C20orf141: variants seen among roughly 807,000 people sequenced by gnomAD.
C20orf141 encodes uncharacterized protein C20orf141.
A neutral mutation model predicts 7.8 loss-of-function variants in C20orf141; 8 were observed. The ratio of observed to expected loss-of-function variants is 1.03; its 90% CI spans 0.60 to 1.85. C20orf141 has a LOEUF of 1.85. C20orf141 is among the 40% of genes most tolerant of loss of function. C20orf141 has a pLI of 0.00. For synonymous variants in C20orf141, 101 were observed against 90.8 expected, an observed-to-expected ratio of 1.11 and a Z score of -0.64; for missense variants, 220 against 203.1, an observed-to-expected ratio of 1.08 and a Z score of -0.51.
In C20orf141 at chr20:2,815,633, T is replaced by A; in HGVS notation, c.356T>A (p.Leu119Gln). Residue 119 changes from leucine to glutamine, a missense_variant, in exon 3 of 3, where the codon CTG becomes CAG. Physicochemically the swap from Leu to Gln is moderately radical, Grantham distance 113. Transcript: ENST00000603872. ...EGPGQQEALLLQMGTVSGQLS... is the reference protein window; with the variant it reads ...EGPGQQEALLQQMGTVSGQLS... Reference sequence around the variant, plus strand: ...CCTGGACAGCAGGAGGCTCTACTCCTGCAAATGGGTACAGTCTCAGGACAA... The same window carrying A: ...CCTGGACAGCAGGAGGCTCTACTCCAGCAAATGGGTACAGTCTCAGGACAA... 1 of 1,614,084 alleles carries A rather than the reference T, an allele frequency of 6.2e-7. No homozygotes were observed. The highest frequency in any genetic ancestry group is 8.5e-7 in the Non-Finnish European group (1 of 1,180,014).
At position 2,815,688 on chromosome 20, in the gene C20orf141, G is replaced by A. The variant is rs778401631; in HGVS notation, c.411G>A (p.Leu137=). 10 of 1,614,020 alleles carry A rather than the reference G, an allele frequency of 6.2e-6. No homozygotes were observed. The South Asian group carries it at 9.9e-5, about 16-fold the overall frequency. The part of the protein sequence containing the change: ...QLSLQDALLL[L]LMGLGPLLRA... ...GCCTCCAGGACGCACTGCTGCTGCT[G>A]CTCATGGGGCTGGGCCCGCTCCTGA... Residue 137 remains leucine, a synonymous_variant, in exon 3 of 3, where the codon CTG becomes CTA. Coordinates refer to ENST00000603872, the MANE Select transcript of C20orf141 (RefSeq NM_001256538.2).
intron 1 of C20orf141, 46 bp downstream of exon 1, chr20:2,815,063 C>A: frequency 7.9e-7 from 1 of 1,264,722 alleles, no homozygotes; most frequent in South Asian, 1.4e-5. Flanking sequence ...GGAGACTCTG[C>A]AGGAGCCTAA....
Position 2,815,363 on chromosome 20 carries a change from C to T in C20orf141, c.179C>T (p.Thr60Ile). The T allele has an allele frequency of 1.3e-6, 2 of 1,590,004 alleles. No homozygotes were observed. Among genetic ancestry groups the T allele is most frequent in the East Asian group, 2.2e-5 (1 of 44,536 alleles). ...SVLWLGALGL[T>I]IQAVFSTTGP... ...CTATGGCTGGGGGCACTAGGACTGA[C>T]AATCCAGGCAGTCTTTTCCACCACT... Residue 60 changes from threonine to isoleucine, a missense_variant, in exon 2 of 3, where the codon ACA becomes ATA. Thr to Ile is a moderately conservative substitution (Grantham distance 89). Transcript: ENST00000603872.
intron 1 of C20orf141, 41 bp downstream of exon 1, chr20:2,815,058 C>T (rs2088650119): frequency 8.2e-7 from 1 of 1,220,474 alleles, no homozygotes; most frequent in Non-Finnish European, 1.2e-6. Flanking sequence ...GAGGGGGAGA[C>T]TCTGCAGGAG....
rs981443009 is a variant in C20orf141 at position 2,815,032 on chromosome 20, C to A, written c.-34+15C>A. ...AGTGGGAGGAGGTGAGGAGGGTTTG[C>A]TGGGTGGGTATGGGGGAGGGGGAGA... On this transcript the variant is annotated intron_variant, in intron 1 of 2. Coordinates refer to ENST00000603872, the MANE Select transcript of C20orf141 (RefSeq NM_001256538.2). The A allele has an allele frequency of 3.7e-5, 36 of 968,328 alleles. No individual in the cohort carries two copies. In the African/African-American group the frequency reaches 5.6e-4, roughly 15 times the overall value. The allele number at this position is 968,328 out of a possible 1,614,324, so 60.0% of individuals were successfully genotyped here.
Position 2,815,524 on chromosome 20 carries a change from C to A in C20orf141, c.261-14C>A. On this transcript the variant is annotated splice_polypyrimidine_tract_variant and intron_variant, in intron 2 of 2. Coordinates refer to ENST00000603872, the MANE Select transcript of C20orf141 (RefSeq NM_001256538.2). The stretch of plus-strand genomic sequence containing the variant: ...AACTTCCCTAAGCCCAGTCACCACC[C>A]TCTCTCTCCACAGGCCCGCAGGTCA... 6.3e-7 allele frequency: 1 copy of A among 1,599,390 alleles called. No individual in the cohort carries two copies. Among genetic ancestry groups the A allele is most frequent in the Non-Finnish European group, 8.5e-7 (1 of 1,171,108 alleles).
Position 2,815,357 on chromosome 20 carries a change from G to A in C20orf141, c.173G>A (p.Gly58Glu). 5 of 1,590,088 alleles carry A rather than the reference G, an allele frequency of 3.1e-6. No individual in the cohort carries two copies. Among genetic ancestry groups the A allele is most frequent in the East Asian group, 4.5e-5 (2 of 44,576 alleles). The change falls in exon 2 of 3, where the codon GGA (glycine) becomes GAA (glutamate). Residue 58 changes from glycine (G) to glutamate (E), a missense_variant. By Grantham distance (98) the Gly-to-Glu change is moderately conservative. Coordinates refer to ENST00000603872, the MANE Select transcript of C20orf141 (RefSeq NM_001256538.2). ...LDSVLWLGAL[G>E]LTIQAVFSTT... is the part of the protein sequence containing the mutation. ...AGTGTCCTATGGCTGGGGGCACTAGGACTGACAATCCAGGCAGTCTTTTCC... is the reference window on the plus strand; with the variant it reads ...AGTGTCCTATGGCTGGGGGCACTAGAACTGACAATCCAGGCAGTCTTTTCC...
In C20orf141 at chr20:2,815,830, A is replaced by T. The variant is rs1158154416; in HGVS notation, c.*55A>T. 3 of 1,439,602 alleles carry T rather than the reference A, an allele frequency of 2.1e-6. No homozygotes were observed. Among genetic ancestry groups the T allele is most frequent in the African/African-American group, 2.8e-5 (2 of 71,318 alleles). The allele number at this position is 1,439,602 out of a possible 1,614,324, so 89.2% of individuals were successfully genotyped here. ...AAATATACAATGACCACCCTTCTTC[A>T]TCAGGCCCCCTTTTCTCCTTCCTGG... On this transcript the variant is annotated 3_prime_UTR_variant, in exon 3 of 3. Transcript: ENST00000603872.
At position 2,815,326 on chromosome 20, in the gene C20orf141, C is replaced by T. The variant is rs147238709; in HGVS notation, c.142C>T (p.Leu48=). 562 of 1,607,392 alleles carry T rather than the reference C, an allele frequency of 3.5e-4. 6 individuals are homozygous for T. The African/African-American group carries it at 5.7e-3, about 16-fold the overall frequency. Residue 48 remains leucine, a synonymous_variant, in exon 2 of 3, where the codon CTG becomes TTG. Coordinates refer to ENST00000603872, the MANE Select transcript of C20orf141 (RefSeq NM_001256538.2). ...CTGGGGCCCTAGCTGGGCCCAGCTC[C>T]TGGACAGTGTCCTATGGCTGGGGGC... ...STWGPSWAQL[L]DSVLWLGALG... is the part of the protein sequence containing the mutation.
rs748066707 is a variant in C20orf141 at position 2,815,229 on chromosome 20, G to T, written c.45G>T (p.Pro15=). 6.2e-7 allele frequency: 1 copy of T among 1,614,048 alleles called. No homozygotes were observed. Among genetic ancestry groups the T allele is most frequent in the Admixed American group, 1.7e-5 (1 of 60,006 alleles). ...CLPRPEARED[P]IPVPPRGLGA... ...CCAGACCCGAAGCACGTGAGGATCCGATCCCAGTTCCTCCAAGGGGCCTGG... is the reference window on the plus strand; with the variant it reads ...CCAGACCCGAAGCACGTGAGGATCCTATCCCAGTTCCTCCAAGGGGCCTGG... The change falls in exon 2 of 3, where the codon CCG becomes CCT. Residue 15 remains proline, a synonymous_variant. Coordinates refer to ENST00000603872, the MANE Select transcript of C20orf141 (RefSeq NM_001256538.2).
Position 2,815,289 on chromosome 20 carries a change from A to G in C20orf141, c.105A>G (p.Pro35=), listed in dbSNP as rs762468233. 6 of 1,611,974 alleles carry G rather than the reference A, an allele frequency of 3.7e-6. No homozygotes were observed. In the South Asian group the frequency reaches 4.4e-5, roughly 12 times the overall value. ...AGGGGTCAGGTAGTCCAGTGCGTCC[A>G]CCTGTATCCACCTGGGGCCCTAGCT... is the stretch of plus-strand genomic sequence containing the variant. ...AGEGSGSPVR[P]PVSTWGPSWA... Residue 35 remains proline (P), a synonymous_variant, in exon 2 of 3, where the codon CCA becomes CCG. Transcript: ENST00000603872.
rs749292960 is a variant in C20orf141, at chr20:2,815,666, TC to T, written c.391del (p.Gln131ArgfsTer15). The T allele has an allele frequency of 4.3e-6, 7 of 1,613,932 alleles. No individual in the cohort carries two copies. The highest frequency in any genetic ancestry group is 5.9e-6 in the Non-Finnish European group (7 of 1,180,016). ...GGTACAGTCTCAGGACAACTTAGCC[TC>T]CAGGACGCACTGCTGCTGCTGCTCA... is the stretch of plus-strand genomic sequence containing the variant. ...QMGTVSGQLS[L>X]QDALLLLLMG... On this transcript the variant is annotated frameshift_variant, in exon 3 of 3. Coordinates refer to ENST00000603872, the MANE Select transcript of C20orf141 (RefSeq NM_001256538.2). LOFTEE classifies it high-confidence loss of function.
rs1372013154 is a variant in C20orf141, at chr20:2,815,646, A to G, written c.369A>G (p.Thr123=). 10 of 1,613,992 alleles carry G rather than the reference A, an allele frequency of 6.2e-6. No individual in the cohort carries two copies. The highest frequency in any genetic ancestry group is 1.7e-6 in the Non-Finnish European group (2 of 1,180,030). The change falls in exon 3 of 3, where the codon ACA becomes ACG. Residue 123 remains threonine (T), a synonymous_variant. Transcript: ENST00000603872. The part of the protein sequence containing the change: ...QQEALLLQMG[T]VSGQLSLQDA... The stretch of plus-strand genomic sequence containing the variant: ...AGGCTCTACTCCTGCAAATGGGTAC[A>G]GTCTCAGGACAACTTAGCCTCCAGG...
intron 1 of C20orf141, 50 bp downstream of exon 1, chr20:2,815,067 A>T: frequency 7.8e-7 from 1 of 1,281,996 alleles, no homozygotes. Context: ...ACTCTGCAGG[A>T]GCCTAATTCC....
rs150248715 is a variant in C20orf141 at position 2,815,524 on chromosome 20, C to G, written c.261-14C>G. 1,387 of 1,599,390 alleles carry G rather than the reference C, an allele frequency of 8.7e-4. 7 individuals are homozygous for G. The African/African-American group carries it at 0.01, about 12-fold the overall frequency. ...AACTTCCCTAAGCCCAGTCACCACC[C>G]TCTCTCTCCACAGGCCCGCAGGTCA... On this transcript the variant is annotated splice_polypyrimidine_tract_variant and intron_variant, in intron 2 of 2. Transcript: ENST00000603872.
Position 2,815,608 on chromosome 20 carries a change from C to T in C20orf141, c.331C>T (p.Pro111Ser), listed in dbSNP as rs146517929. Residue 111 changes from proline to serine, a missense_variant, in exon 3 of 3, where the codon CCT (proline) becomes TCT (serine). Coordinates refer to ENST00000603872, the MANE Select transcript of C20orf141 (RefSeq NM_001256538.2). ...CCAGAGTCAGGGGGCCGGTGAAGGT[C>T]CTGGACAGCAGGAGGCTCTACTCCT... ...RGQSQGAGEGPGQQEALLLQM... is the reference protein window; with the variant it reads ...RGQSQGAGEGSGQQEALLLQM... The T allele has an allele frequency of 4.1e-5, 66 of 1,613,974 alleles. No individual in the cohort carries two copies. Among genetic ancestry groups the T allele is most frequent in the Non-Finnish European group, 5.4e-5 (64 of 1,180,026 alleles).
Position 2,815,600 on chromosome 20 carries a change from G to C in C20orf141, c.323G>C (p.Gly108Ala). 6.2e-7 allele frequency: 1 copy of C among 1,614,086 alleles called. No individual in the cohort carries two copies. The highest frequency in any genetic ancestry group is 8.5e-7 in the Non-Finnish European group (1 of 1,180,026). ...ACCAGGGGCCAGAGTCAGGGGGCCGGTGAAGGTCCTGGACAGCAGGAGGCT... is the reference window on the plus strand; with the variant it reads ...ACCAGGGGCCAGAGTCAGGGGGCCGCTGAAGGTCCTGGACAGCAGGAGGCT... The part of the protein sequence containing the change: ...LLTRGQSQGA[G>A]EGPGQQEALL... The change falls in exon 3 of 3, where the codon GGT becomes GCT. Residue 108 changes from glycine (G) to alanine (A), a missense_variant. By Grantham distance (60) the Gly-to-Ala change is moderately conservative. Transcript: ENST00000603872.
intron 1 of C20orf141, 39 bp downstream of exon 1, chr20:2,815,056 G>A: frequency 1.7e-6 from 2 of 1,183,978 alleles, no homozygotes; most frequent in Non-Finnish European, 1.2e-6. Context: ...GGGAGGGGGA[G>A]ACTCTGCAGG....
At position 2,815,699 on chromosome 20, in the gene C20orf141, T is replaced by C. The variant is rs746871733; in HGVS notation, c.422T>C (p.Leu141Pro). Residue 141 changes from leucine to proline, a missense_variant, in exon 3 of 3, where the codon CTG becomes CCG. By Grantham distance (98) the Leu-to-Pro change is moderately conservative. Coordinates refer to ENST00000603872, the MANE Select transcript of C20orf141 (RefSeq NM_001256538.2). ...QDALLLLLMG[L>P]GPLLRACGMP... ...GCACTGCTGCTGCTGCTCATGGGGC[T>C]GGGCCCGCTCCTGAGAGCCTGTGGC... 1.2e-6 allele frequency: 2 copies of C among 1,614,108 alleles called. No homozygotes were observed. Among genetic ancestry groups the C allele is most frequent in the South Asian group, 2.2e-5 (2 of 91,086 alleles).
Sources: gnomAD v4.1 joint callset for allele counts on GRCh38, gnomAD v4.1.1 for gene constraint, MANE v1.5 for transcripts, NCBI Gene and HGNC (gene_info 2026-07-23, HGNC 2026-07-21) for gene names.